DNAH5: variants seen among roughly 807,000 people sequenced by gnomAD.
The protein encoded by DNAH5 is axonemal beta dynein heavy chain 5.
Under a neutral mutation model 518.2 loss-of-function variants are expected in DNAH5, and 372 were observed. That is an observed-to-expected ratio of 0.72 (90% CI 0.66 to 0.78). The LOEUF is 0.78. Ranked by LOEUF, DNAH5 falls within the 30% of genes least tolerant of loss-of-function variation. The pLI, the probability that DNAH5 is intolerant of heterozygous loss-of-function variation, is 0.00. For synonymous variants in DNAH5, 2,039 were observed against 2,025.9 expected (o/e 1.01, Z -0.17); for missense variants, 5,523 against 5,687.0 (o/e 0.97, Z 0.93).
At chr5:13,865,641 G>T (rs1403580278) in intron 27 of DNAH5, 27 bp downstream of exon 27, 15 of 1,356,260 alleles carry the variant, frequency 1.1e-5, no homozygotes, top group Non-Finnish European at 1.6e-5. Context: ...TTCAATTGCT[G>T]GGCATGCTAA....
At chr5:13,961,253 AGAGT>A (rs1330056383) in intron 1 of DNAH5, among the ~76,000 whole-genome samples, 7 of 152,246 alleles carry the variant, frequency 4.6e-5, no homozygotes, top group Admixed American at 4.6e-4. Flanking sequence ...GAGGAAACTG[AGAGT>A]GAGAAAGGCA....
At chr5:13,915,427 T>C (rs1776541188) in intron 9 of DNAH5, among the ~76,000 whole-genome samples, 1 of 152,150 alleles carries the variant, frequency 6.6e-6, no homozygotes, top group Non-Finnish European at 1.5e-5. Context: ...AAATCAAGTT[T>C]TGCAAATAAT....
intron 1 of DNAH5, among the ~76,000 whole-genome samples, chr5:14,008,945 C>A (rs1284111772): frequency 6.6e-6 from 1 of 152,220 alleles, no homozygotes; most frequent in East Asian, 1.9e-4. Flanking sequence ...ATGGGCCGGG[C>A]CTGCCCCTGC....
At position 13,840,138 on chromosome 5, in the gene DNAH5, C is replaced by G. The variant is rs570551040; in HGVS notation, c.5710-610G>C. On this transcript the variant is annotated intron_variant, in intron 34 of 78. Coordinates refer to ENST00000265104, the MANE Select transcript of DNAH5 (RefSeq NM_001369.3). ...AAATTAGCCTGAGCCCTTTATTCCT[C>G]GGAAAGGTAAGTAGTGTGCTTAACT... 1.4e-3 allele frequency among the ~76,000 whole-genome samples: 213 copies of G among 152,230 alleles called. 1 individual carries two copies. Among genetic ancestry groups the G allele is most frequent in the African/African-American group, 4.9e-3 (202 of 41,534 alleles).
intron 14 of DNAH5, among the ~76,000 whole-genome samples, chr5:13,900,979 G>T (rs1774528182): frequency 1.3e-5 from 2 of 152,222 alleles, no homozygotes; most frequent in South Asian, 4.1e-4. Context: ...TATCCTAATA[G>T]ATTGGGCATA....
intron 71 of DNAH5, among the ~76,000 whole-genome samples, chr5:13,720,619 A>G (rs1744922129): frequency 2.6e-5 from 4 of 152,082 alleles, no homozygotes; most frequent in Admixed American, 1.3e-4. Flanking sequence ...AGCAATCCTT[A>G]GCCTCGGCCT....
intron 1 of DNAH5, among the ~76,000 whole-genome samples, chr5:14,002,444 G>A (rs1041382522): frequency 1.3e-5 from 2 of 151,930 alleles, no homozygotes; most frequent in Admixed American, 1.3e-4. Context: ...AAAATTTTGA[G>A]GCTGAGTTTA....
chr5:13,976,710 T>TATATATACAC (rs780402172), intron 1 of DNAH5, among the ~76,000 whole-genome samples: 10 of 133,108 alleles, frequency 7.5e-5, no homozygotes, highest in South Asian at 2.5e-4. Flanking sequence ...TATATATATA[T>TATATATACAC]ACACACACAC....
chr5:13,724,556 T>A (rs1025816387), intron 70 of DNAH5, among the ~76,000 whole-genome samples: 7 of 152,294 alleles, frequency 4.6e-5, no homozygotes, highest in African/African-American at 9.6e-5. Flanking sequence ...AAGAAGGACA[T>A]GGGATTTGAG....
At chr5:13,783,605 T>C (rs1369149900) in intron 52 of DNAH5, among the ~76,000 whole-genome samples, 1 of 151,970 alleles carries the variant, frequency 6.6e-6, no homozygotes, top group Non-Finnish European at 1.5e-5. Context: ...AGGAACTAGA[T>C]CATGCAAAAC....
In DNAH5 at chr5:13,692,021, AC is replaced by A. The variant is rs1740758260; in HGVS notation, c.13837del (p.Val4613CysfsTer32). ...LRTAQTPEHWVLRGVALLCDV... is the reference protein window; with the variant it reads ...LRTAQTPEHWXLRGVALLCDV... ...ACACAGAAGGGCAACCCCACGGAGC[AC>A]CCAGTGTTCAGGGGTCTGGGCTGTC... On this transcript the variant is annotated frameshift_variant, in exon 79 of 79. Transcript: ENST00000265104. LOFTEE classifies it high-confidence loss of function. 1 of 1,614,100 alleles carries A rather than the reference AC, an allele frequency of 6.2e-7. No homozygotes were observed. The highest frequency in any genetic ancestry group is 2.2e-5 in the East Asian group (1 of 44,870).
chr5:13,920,790 G>A (rs569310903), intron 5 of DNAH5, among the ~76,000 whole-genome samples, 173 bp from the exon 6 acceptor site: 1 of 151,984 alleles, frequency 6.6e-6, no homozygotes, highest in Non-Finnish European at 1.5e-5. Context: ...CCAGACTGAT[G>A]GGACCTTCCA....
chr5:13,730,705 ATT>A (rs925844207), intron 68 of DNAH5, among the ~76,000 whole-genome samples: 6 of 123,398 alleles, frequency 4.9e-5, no homozygotes, highest in South Asian at 2.7e-4. Context: ...AAGTGCTGTT[ATT>A]TTTTTTTTTT....
intron 1 of DNAH5, among the ~76,000 whole-genome samples, chr5:13,952,210 T>C (rs1780470196): frequency 6.6e-6 from 1 of 152,088 alleles, no homozygotes; most frequent in Admixed American, 6.5e-5. Flanking sequence ...GCAAGACATA[T>C]CCATAAACAC....
chr5:13,792,704 G>C (rs956947512), intron 49 of DNAH5, among the ~76,000 whole-genome samples: 2 of 152,064 alleles, frequency 1.3e-5, no homozygotes, highest in Admixed American at 1.3e-4. Flanking sequence ...CCCAAGCTTA[G>C]ATAATTCCAA....
At chr5:13,735,410 C>G (rs1280828179) in intron 67 of DNAH5, 89 bp from the exon 68 acceptor site, 1 of 1,274,842 alleles carries the variant, frequency 7.8e-7, no homozygotes, top group Non-Finnish European at 1.1e-6. Flanking sequence ...AAATAAGTAA[C>G]TTTGGAGGAA....
intron 78 of DNAH5, among the ~76,000 whole-genome samples, chr5:13,698,371 G>A (rs901812266): frequency 6.6e-6 from 1 of 152,182 alleles, no homozygotes; most frequent in African/African-American, 2.4e-5. Context: ...CAGTAGTTAT[G>A]TCCTATAAAG....
rs552638273 is a variant in DNAH5, at chr5:13,796,474, C to T, written c.7888-2416G>A. 5.3e-5 allele frequency among the ~76,000 whole-genome samples: 8 copies of T among 152,164 alleles called. No homozygotes were observed. The East Asian group carries it at 1.5e-3, about 29-fold the overall frequency. ...AATGGCTACAAAGAGAATAAAATACCTAGGAATCCAACTTACAAGGGATGT... is the reference window on the plus strand; with the variant it reads ...AATGGCTACAAAGAGAATAAAATACTTAGGAATCCAACTTACAAGGGATGT... On this transcript the variant is annotated intron_variant, in intron 47 of 78. Transcript: ENST00000265104.
At chr5:13,818,523 A>G (rs1319023672) in intron 41 of DNAH5, among the ~76,000 whole-genome samples, 1 of 152,206 alleles carries the variant, frequency 6.6e-6, no homozygotes, top group Non-Finnish European at 1.5e-5. Context: ...CTACTGACAC[A>G]GACTCTTTTT....
Sources: gnomAD v4.1 joint callset for allele counts (sites outside exome capture counted in the v4.1 genomes callset) on GRCh38, gnomAD v4.1.1 for gene constraint, MANE v1.5 for transcripts, NCBI Gene and HGNC (gene_info 2026-07-23, HGNC 2026-07-21) for gene names.